The following AVIL variants were observed in gnomAD, a reference collection of about 807,000 sequenced individuals.
The protein encoded by AVIL is advillin.
A neutral mutation model predicts 109.9 loss-of-function variants in AVIL; 78 were observed. The observed-to-expected ratio is 0.71, with a 90% CI of 0.59 to 0.86. The LOEUF (loss-of-function observed/expected upper bound fraction) is 0.86, where lower values mean the gene tolerates loss of function less well. Among genes scored for constraint, AVIL ranks in the 40% least tolerant of loss-of-function variants. AVIL has a pLI of 0.00. For synonymous variants in AVIL, 367 were observed against 379.1 expected (o/e 0.97, Z 0.37); for missense variants, 892 against 1,016.5 (o/e 0.88, Z 1.67).
Position 57,807,734 on chromosome 12 carries a change from A to C in AVIL, c.1195-7T>G. The C allele has an allele frequency of 6.2e-7, 1 of 1,613,888 alleles. No homozygotes were observed. Among genetic ancestry groups the C allele is most frequent in the Non-Finnish European group, 8.5e-7 (1 of 1,180,034 alleles). ...GGTTCTCAATTCTCCAGACCTGGGC[A>C]TAGAAGGAGACACCGTTTTCCAGAG... is the stretch of plus-strand genomic sequence containing the variant. On this transcript the variant is annotated splice_polypyrimidine_tract_variant and splice_region_variant and intron_variant, in intron 11 of 19. Coordinates refer to ENST00000549994, the MANE Select transcript of AVIL (RefSeq NM_006576.4).
Position 57,797,756 on chromosome 12 carries a change from G to A in AVIL, c.*126C>T. Reference sequence around the variant, plus strand: ...AAAAATGGAGAACATGCCGTGATTTGCAGACTCTATTATATCTAAATTAAG... The same window carrying A: ...AAAAATGGAGAACATGCCGTGATTTACAGACTCTATTATATCTAAATTAAG... On this transcript the variant is annotated 3_prime_UTR_variant, in exon 20 of 20. Coordinates refer to ENST00000549994, the MANE Select transcript of AVIL (RefSeq NM_006576.4). 1 of 768,690 alleles carries A rather than the reference G, an allele frequency of 1.3e-6. No individual in the cohort carries two copies. The highest frequency in any genetic ancestry group is 1.8e-6 in the Non-Finnish European group (1 of 542,736). The allele number at this position is 768,690 out of a possible 1,614,324, so 47.6% of individuals were successfully genotyped here.
Position 57,797,793 on chromosome 12 carries a change from C to T in AVIL, c.*89G>A, listed in dbSNP as rs1387785355. On this transcript the variant is annotated 3_prime_UTR_variant, in exon 20 of 20. Coordinates refer to ENST00000549994, the MANE Select transcript of AVIL (RefSeq NM_006576.4). ...ATATCTAAATTAAGTAGCTGAATGT[C>T]AGGCAGAAATTGGTGGATAAATTAT... 2 of 1,062,906 alleles carry T rather than the reference C, an allele frequency of 1.9e-6. No homozygotes were observed. Among genetic ancestry groups the T allele is most frequent in the Non-Finnish European group, 2.6e-6 (2 of 771,518 alleles). 65.8% of individuals were successfully genotyped at this position (1,062,906 alleles called of 1,614,324 possible).
chr12:57,803,239 T>C lies in AVIL; in HGVS notation c.1962+8A>G, dbSNP rs774128031. On this transcript the variant is annotated splice_region_variant and intron_variant, in intron 16 of 19. Transcript: ENST00000549994. ...TCTCATGTTCTGACTTCTGCAGCTG[T>C]GTCTTACCTGGTCCCAGGTATCTAG... 1.2e-6 allele frequency: 2 copies of C among 1,614,008 alleles called. No homozygotes were observed.
chr12:57,818,319 T>C (rs980160549), intron 1 of AVIL, among the ~76,000 whole-genome samples: 1 of 150,192 alleles, frequency 6.7e-6, no homozygotes, highest in Non-Finnish European at 1.5e-5. Flanking sequence ...GGATTACAGG[T>C]GTAAGCCACC....
chr12:57,808,763 C>A (rs1033160721), intron 9 of AVIL: 1 of 561,632 alleles, frequency 1.8e-6, no homozygotes, highest in Non-Finnish European at 3.1e-6. Context: ...TATTGGCTTG[C>A]GGTGATTATG....
At chr12:57,818,015 G>C (rs969262877) in intron 1 of AVIL, among the ~76,000 whole-genome samples, 1 of 151,756 alleles carries the variant, frequency 6.6e-6, no homozygotes, top group Non-Finnish European at 1.5e-5. Context: ...AGAGGAAGCT[G>C]TTTTTTGTTG....
At chr12:57,798,976 G>T (rs2140433644) in intron 19 of AVIL, among the ~76,000 whole-genome samples, 1 of 152,274 alleles carries the variant, frequency 6.6e-6, no homozygotes, top group Middle Eastern at 3.4e-3. Context: ...AAGAATACTT[G>T]CTATCTGCTA....
intron 3 of AVIL, among the ~76,000 whole-genome samples, chr12:57,813,909 T>A (rs1956069388): frequency 6.6e-6 from 1 of 152,136 alleles, no homozygotes; most frequent in Non-Finnish European, 1.5e-5. Flanking sequence ...AAGTGCTGCT[T>A]GTGGGTGGCT....
chr12:57,807,281 T>C, intron 13 of AVIL, 50 bp downstream of exon 13: 1 of 1,613,236 alleles, frequency 6.2e-7, no homozygotes, highest in South Asian at 1.1e-5. Context: ...GCTGGTTTGT[T>C]AGTTTGGAAC....
Position 57,810,408 on chromosome 12 carries a change from C to T in AVIL, c.702G>A (p.Lys234=). 1 of 1,614,182 alleles carries T rather than the reference C, an allele frequency of 6.2e-7. No homozygotes were observed. Among genetic ancestry groups the T allele is most frequent in the Non-Finnish European group, 8.5e-7 (1 of 1,180,036 alleles). Residue 234 remains lysine (K), a synonymous_variant, in exon 7 of 20, where the codon AAG becomes AAA. Coordinates refer to ENST00000549994, the MANE Select transcript of AVIL (RefSeq NM_006576.4). ...QDTLGRRSII[K]PTVPDEIIDQ... ...CTATGATCTCATCAGGGACTGTAGGCTTGATAATGGAGCGTCGGCCAAGGG... is the reference window on the plus strand; with the variant it reads ...CTATGATCTCATCAGGGACTGTAGGTTTGATAATGGAGCGTCGGCCAAGGG...
chr12:57,807,713 C>T lies in AVIL; in HGVS notation c.1209G>A (p.Glu403=). 1 of 1,613,978 alleles carries T rather than the reference C, an allele frequency of 6.2e-7. No homozygotes were observed. Among genetic ancestry groups the T allele is most frequent in the Non-Finnish European group, 8.5e-7 (1 of 1,180,046 alleles). ...ACTCCACAGGGACCAGCTCCAGGTT[C>T]TCAATTCTCCAGACCTGGGCATAGA... ...GNGKVEVWRI[E]NLELVPVEYQ... is the part of the protein sequence containing the mutation. Residue 403 remains glutamate (E), a synonymous_variant, in exon 12 of 20, where the codon GAG becomes GAA. Transcript: ENST00000549994.
chr12:57,803,630 C>T lies in AVIL; in HGVS notation c.1711G>A (p.Ala571Thr). ...GDERAMAKEL[A>T]SLLCDGSENT... is the part of the protein sequence containing the mutation. ...TCGCTGCCATCACAGAGAAGGCTGG[C>T]CAGCTCCTTAGCCATTGCCCGCTCA... The change falls in exon 15 of 20, where the codon GCC (alanine) becomes ACC (threonine). Residue 571 changes from alanine (A) to threonine (T), a missense_variant. Transcript: ENST00000549994. 1 of 1,614,138 alleles carries T rather than the reference C, an allele frequency of 6.2e-7. No individual in the cohort carries two copies. Among genetic ancestry groups the T allele is most frequent in the Non-Finnish European group, 8.5e-7 (1 of 1,180,034 alleles).
In AVIL at chr12:57,802,271, G is replaced by T; in HGVS notation, c.2040C>A (p.His680Gln). The T allele has an allele frequency of 6.2e-7, 1 of 1,614,050 alleles. No homozygotes were observed. The highest frequency in any genetic ancestry group is 1.3e-5 in the African/African-American group (1 of 75,012). Residue 680 changes from histidine (H) to glutamine (Q), a missense_variant, in exon 17 of 20, where the codon CAC (histidine) becomes CAA (glutamine). Physicochemically the swap from His to Gln is conservative, Grantham distance 24. Transcript: ENST00000549994. ...CGGGATCTCGGCCGCTGGGGTGAGT[G>T]TGCAGGTACTGCTGTGCTGTGGCAA... ...SALATAQQYL[H>Q]THPSGRDPDT...
chr12:57,797,564 T>C lies in AVIL; in HGVS notation c.*318A>G. ...TCCTGGTATAATATTAAACATAAAG[T>C]TATTAAACATTTTAAGCATTGTTTT... On this transcript the variant is annotated 3_prime_UTR_variant, in exon 20 of 20. Coordinates refer to ENST00000549994, the MANE Select transcript of AVIL (RefSeq NM_006576.4). The C allele has an allele frequency of 2.2e-6, 2 of 913,668 alleles. No individual in the cohort carries two copies. The allele number at this position is 913,668 out of a possible 1,614,324, so 56.6% of individuals were successfully genotyped here. A position where few individuals can be genotyped will look rare whatever the true frequency, so the allele number is the denominator to read the frequency against.
intron 14 of AVIL, among the ~76,000 whole-genome samples, chr12:57,805,116 C>T (rs777768742): frequency 1.3e-5 from 2 of 152,040 alleles, no homozygotes; most frequent in Non-Finnish European, 2.9e-5. Flanking sequence ...AGTACAGTGG[C>T]GCAATCTCGG....
intron 6 of AVIL, 58 bp from the exon 7 acceptor site, chr12:57,810,609 T>G: frequency 6.3e-7 from 1 of 1,585,864 alleles, no homozygotes; most frequent in Non-Finnish European, 8.6e-7. Flanking sequence ...CTGCCTGATG[T>G]CTTTGGGGAG....
At chr12:57,808,362 A>G in intron 10 of AVIL, 33 bp downstream of exon 10, 1 of 1,614,162 alleles carries the variant, frequency 6.2e-7, no homozygotes, top group Non-Finnish European at 8.5e-7. Flanking sequence ...CTAGAGTCTT[A>G]GCAATGAGAG....
At position 57,801,221 on chromosome 12, in the gene AVIL, A is replaced by G. The variant is rs116275535; in HGVS notation, c.2152-9T>C. 5.2e-4 allele frequency: 831 copies of G among 1,611,828 alleles called. 4 individuals carry two copies. In the African/African-American group the frequency reaches 9.5e-3, roughly 18 times the overall value. The stretch of plus-strand genomic sequence containing the variant: ...TCATATGTTTTTCCTGCCTGAGAAG[A>G]AGAGAGAGAAAACACAGGATGAGGT... On this transcript the variant is annotated splice_polypyrimidine_tract_variant and intron_variant, in intron 17 of 19. Transcript: ENST00000549994.
intron 14 of AVIL, among the ~76,000 whole-genome samples, chr12:57,804,896 T>TA (rs1955919582): frequency 6.6e-6 from 1 of 152,132 alleles, no homozygotes; most frequent in Non-Finnish European, 1.5e-5. Context: ...TGCATGAAAA[T>TA]TCCTGTTGCT....
Sources: allele counts gnomAD v4.1 joint callset (sites outside exome capture counted in the v4.1 genomes callset), GRCh38; gene constraint gnomAD v4.1.1; transcripts MANE v1.5; gene names NCBI Gene and HGNC (gene_info 2026-07-23, HGNC 2026-07-21).